Variants in MGAT4A observed in about 807,000 individuals in gnomAD.
MGAT4A encodes alpha-1,3-mannosyl-glycoprotein 4-beta-N-acetylglucosaminyltransferase A.
In MGAT4A, 33 loss-of-function variants were observed where a neutral mutation model predicts 74.1. The observed-to-expected ratio is 0.45, with a 90% CI of 0.34 to 0.60. The LOEUF (loss-of-function observed/expected upper bound fraction) is 0.60. Ranked by LOEUF, MGAT4A falls within the 20% of genes least tolerant of loss-of-function variation. The pLI is 0.02. For missense variants in MGAT4A, 479 were observed against 628.3 expected (o/e 0.76, Z 2.54); for synonymous variants, 198 against 210.4 (o/e 0.94, Z 0.51).
intron 14 of MGAT4A, among the ~76,000 whole-genome samples, chr2:98,628,005 A>AT (rs1397257945): frequency 6.6e-6 from 1 of 151,966 alleles, no homozygotes; most frequent in Non-Finnish European, 1.5e-5. Flanking sequence ...AATACCTTAC[A>AT]TTTTTTTCAA....
chr2:98,686,506 T>C (rs762145962), intron 2 of MGAT4A, among the ~76,000 whole-genome samples: 3 of 151,850 alleles, frequency 2.0e-5, no homozygotes, highest in Non-Finnish European at 4.4e-5. Context: ...AAACAAACGA[T>C]GCTGCATGTA....
In MGAT4A at chr2:98,644,026, G is replaced by A. The variant is rs1701450423; in HGVS notation, c.917C>T (p.Thr306Ile). 1 of 1,599,180 alleles carries A rather than the reference G, an allele frequency of 6.3e-7. No individual in the cohort carries two copies. ...CATGAATATGAATTCTACAATCAGA[G>A]TAAGATCCGGCGCTTGAAACATTTT... ...IGKMFQAPDL[T>I]LIVEFIFMFY... The change falls in exon 10 of 16, where the codon ACT becomes ATT. Residue 306 changes from threonine (T) to isoleucine (I), a missense_variant. Physicochemically the swap from Thr to Ile is moderately conservative, Grantham distance 89. Coordinates refer to ENST00000393487, the MANE Select transcript of MGAT4A (RefSeq NM_012214.3).
At chr2:98,668,520 G>A (rs574948289) in intron 4 of MGAT4A, among the ~76,000 whole-genome samples, 7 of 152,328 alleles carry the variant, frequency 4.6e-5, no homozygotes, top group East Asian at 3.9e-4. Context: ...CTGCAGGGGC[G>A]GTGCTCTTAT....
chr2:98,640,095 T>G (rs768692549), intron 11 of MGAT4A, 26 bp downstream of exon 11: 1 of 1,583,696 alleles, frequency 6.3e-7, no homozygotes, highest in Non-Finnish European at 8.6e-7. Context: ...TGTATGTTCA[T>G]GAGAAAATAA....
chr2:98,656,466 C>A lies in MGAT4A; in HGVS notation c.585-1G>T, dbSNP rs1440464625. The stretch of plus-strand genomic sequence containing the variant: ...GCCAGAACTGATTTCTTTAGAAAAT[C>A]TATTATGAGAAAGTTAGCTGAGTTA... On this transcript the variant is annotated splice_acceptor_variant, in intron 6 of 15. Transcript: ENST00000393487. LOFTEE classifies it high-confidence loss of function. 1 of 1,582,436 alleles carries A rather than the reference C, an allele frequency of 6.3e-7. No homozygotes were observed.
chr2:98,630,228 C>A (rs372087986), intron 14 of MGAT4A, among the ~76,000 whole-genome samples: 11 of 152,154 alleles, frequency 7.2e-5, no homozygotes, highest in African/African-American at 2.7e-4. Context: ...ACAGATCGTG[C>A]TGTCCACAGA....
rs1022285831 is a variant in MGAT4A at position 98,619,383 on chromosome 2, A to G, written c.*6183T>C. 1 of 152,298 alleles carries G rather than the reference A, an allele frequency of 6.6e-6. No individual in the cohort carries two copies. Among genetic ancestry groups the G allele is most frequent in the African/African-American group, 2.4e-5 (1 of 41,454 alleles). 9.4% of individuals were successfully genotyped at this position (152,298 alleles called of 1,614,324 possible). A position where few individuals can be genotyped will look rare whatever the true frequency, so the allele number is the denominator to read the frequency against. ...AAATATATACAATACATTTAAGAAA[A>G]AAAAAAATCTGGTACAACCTGGCAA... is the stretch of plus-strand genomic sequence containing the variant. On this transcript the variant is annotated 3_prime_UTR_variant, in exon 16 of 16. Transcript: ENST00000393487.
intron 7 of MGAT4A, 121 bp downstream of exon 7, chr2:98,656,231 C>T (rs1274496546): frequency 2.6e-6 from 2 of 764,124 alleles, no homozygotes; most frequent in Non-Finnish European, 4.5e-6. Flanking sequence ...CTTAATGAGA[C>T]TTACCTAGAA....
chr2:98,624,549 C>G lies in MGAT4A; in HGVS notation c.*1017G>C, dbSNP rs975995060. 8.5e-5 allele frequency: 83 copies of G among 979,026 alleles called. No homozygotes were observed. The highest frequency in any genetic ancestry group is 1.0e-3 in the Middle Eastern group (2 of 1,928). 60.6% of individuals were successfully genotyped at this position (979,026 alleles called of 1,614,324 possible). A position where few individuals can be genotyped will look rare whatever the true frequency, so the allele number is the denominator to read the frequency against. On this transcript the variant is annotated 3_prime_UTR_variant, in exon 16 of 16. Coordinates refer to ENST00000393487, the MANE Select transcript of MGAT4A (RefSeq NM_012214.3). ...TATTACAATTTTCTTTAAAATTATA[C>G]CAATTATGACTCATACAATAGCAAC...
intron 4 of MGAT4A, among the ~76,000 whole-genome samples, chr2:98,671,655 T>C (rs1701912116): frequency 6.6e-6 from 1 of 152,158 alleles, no homozygotes; most frequent in Non-Finnish European, 1.5e-5. Flanking sequence ...GAGAGAATAA[T>C]AGTCGCCCAA....
chr2:98,678,249 A>AAAATAT (rs67023324), intron 3 of MGAT4A, 55 bp downstream of exon 3: 11 of 263,810 alleles, frequency 4.2e-5, no homozygotes, highest in South Asian at 1.4e-4. Context: ...AAAAAAAAAA[A>AAAATAT]ATATATATAT....
At chr2:98,680,076 T>C (rs1333638054) in intron 2 of MGAT4A, among the ~76,000 whole-genome samples, 3 of 147,516 alleles carry the variant, frequency 2.0e-5, no homozygotes, top group African/African-American at 7.6e-5. Context: ...AGTCTCACTC[T>C]GTCGCCCAGG....
chr2:98,651,784 T>A (rs987290413), intron 8 of MGAT4A, among the ~76,000 whole-genome samples: 1 of 152,162 alleles, frequency 6.6e-6, no homozygotes, highest in African/African-American at 2.4e-5. Flanking sequence ...AAATGGAAAT[T>A]TTTAATGAGA....
At chr2:98,700,600 T>C (rs907866204) in intron 2 of MGAT4A, among the ~76,000 whole-genome samples, 1 of 152,196 alleles carries the variant, frequency 6.6e-6, no homozygotes, top group African/African-American at 2.4e-5. Context: ...TAAAAGTCTA[T>C]TACATGTTGG....
In MGAT4A at chr2:98,621,293, A is replaced by C; in HGVS notation, c.*4273T>G. The C allele has an allele frequency of 7.5e-7, 1 of 1,339,328 alleles. No homozygotes were observed. The highest frequency in any genetic ancestry group is 9.9e-7 in the Non-Finnish European group (1 of 1,011,526). 83.0% of individuals were successfully genotyped at this position (1,339,328 alleles called of 1,614,324 possible). ...GAGACTGGAGATGAATGCCTTTCCAAGCCTATGAATGAGCTTATGGGCTGA... is the reference window on the plus strand; with the variant it reads ...GAGACTGGAGATGAATGCCTTTCCACGCCTATGAATGAGCTTATGGGCTGA... On this transcript the variant is annotated 3_prime_UTR_variant, in exon 16 of 16. Coordinates refer to ENST00000393487, the MANE Select transcript of MGAT4A (RefSeq NM_012214.3).
At chr2:98,722,212 A>G (rs1575285161) in intron 2 of MGAT4A, among the ~76,000 whole-genome samples, 1 of 152,252 alleles carries the variant, frequency 6.6e-6, no homozygotes, top group African/African-American at 2.4e-5. Flanking sequence ...TGTTTATAGC[A>G]GCATTATTCA....
intron 4 of MGAT4A, among the ~76,000 whole-genome samples, chr2:98,666,038 A>G (rs1439941005): frequency 6.6e-6 from 1 of 152,260 alleles, no homozygotes; most frequent in African/African-American, 2.4e-5. Flanking sequence ...GACATTATCC[A>G]ATTTGTAATT....
intron 8 of MGAT4A, among the ~76,000 whole-genome samples, chr2:98,648,256 T>C (rs1701524150): frequency 6.6e-6 from 1 of 152,194 alleles, no homozygotes; most frequent in East Asian, 1.9e-4. Flanking sequence ...CCCAGCACTT[T>C]GTGAGGCTGA....
At chr2:98,726,158 T>C (rs1479694369) in intron 2 of MGAT4A, 81 bp downstream of exon 2, 10 of 977,632 alleles carry the variant, frequency 1.0e-5, no homozygotes, top group Admixed American at 2.2e-5. Flanking sequence ...TGCCAGGGTA[T>C]TTGACCTAAG....
Sources: gnomAD v4.1 joint callset for allele counts (sites outside exome capture counted in the v4.1 genomes callset) on GRCh38, gnomAD v4.1.1 for gene constraint, MANE v1.5 for transcripts, NCBI Gene and HGNC (gene_info 2026-07-23, HGNC 2026-07-21) for gene names.